The following SPTBN5 variants were observed in gnomAD, a reference collection of about 807,000 sequenced individuals.
SPTBN5 encodes spectrin beta, non-erythrocytic 5.
SPTBN5 carries 513 observed loss-of-function variants against 477.6 expected under a neutral mutation model. The ratio of observed to expected loss-of-function variants is 1.07; its 90% CI spans 1.00 to 1.16. The LOEUF (loss-of-function observed/expected upper bound fraction) is 1.16, where lower values mean the gene tolerates loss of function less well. SPTBN5 is among the 50% of genes most tolerant of loss of function. The pLI is 0.00. For missense variants in SPTBN5, 5,062 were observed against 4,731.8 expected (o/e 1.07, Z -2.05); for synonymous variants, 2,169 against 2,011.7 (o/e 1.08, Z -2.09).
rs1347339368 is a variant in SPTBN5 at position 41,854,863 on chromosome 15, G to C, written c.9537C>G (p.Arg3179=). 6.2e-7 allele frequency: 1 copy of C among 1,609,432 alleles called. No homozygotes were observed. Reference sequence around the variant, plus strand: ...TCCTCTGGGCTTGGATGTGGGGATAGCGCCTGGGTGCACCCCGCTCCAGGG... The same window carrying C: ...TCCTCTGGGCTTGGATGTGGGGATACCGCCTGGGTGCACCCCGCTCCAGGG... ...AGTLERGAPR[R]YPHIQAQRSR... is the part of the protein sequence containing the mutation. The change falls in exon 56 of 68, where the codon CGC becomes CGG. Residue 3179 remains arginine, a synonymous_variant. Transcript: ENST00000320955.
chr15:41,867,464 G>T (rs1340021838), intron 35 of SPTBN5, 74 bp downstream of exon 35: 4 of 1,391,758 alleles, frequency 2.9e-6, no homozygotes, highest in South Asian at 2.3e-5. Context: ...CACACCAAGC[G>T]CCCCGTGACC....
intron 51 of SPTBN5, 42 bp downstream of exon 51, chr15:41,857,196 A>G (rs1410963680): frequency 6.4e-7 from 1 of 1,557,042 alleles, no homozygotes; most frequent in Non-Finnish European, 8.7e-7. Context: ...GGGTCCCTCC[A>G]GGAAGGCAGG....
chr15:41,893,560 AG>A lies in SPTBN5; in HGVS notation c.-49-15del. 2 of 1,526,828 alleles carry A rather than the reference AG, an allele frequency of 1.3e-6. No homozygotes were observed. The highest frequency in any genetic ancestry group is 1.2e-5 in the South Asian group (1 of 83,724). The allele number at this position is 1,526,828 out of a possible 1,614,324, so 94.6% of individuals were successfully genotyped here. A position where few individuals can be genotyped will look rare whatever the true frequency, so the allele number is the denominator to read the frequency against. The stretch of plus-strand genomic sequence containing the variant: ...GGCTCCCTAAACCTGGAGGGCATGC[AG>A]ATTAGGGGATGATGTGAATGGAGAT... On this transcript the variant is annotated splice_polypyrimidine_tract_variant and intron_variant, in intron 1 of 67. Transcript: ENST00000320955.
intron 16 of SPTBN5, 45 bp from the exon 17 acceptor site, chr15:41,878,674 C>G (rs930264015): frequency 4.5e-6 from 7 of 1,566,820 alleles, no homozygotes; most frequent in African/African-American, 4.1e-5. Flanking sequence ...TGTCCTGGGC[C>G]TGGTGCCCCA....
chr15:41,861,282 G>A (rs1307709431), intron 46 of SPTBN5, 137 bp downstream of exon 46: 17 of 734,916 alleles, frequency 2.3e-5, no homozygotes, highest in Non-Finnish European at 3.6e-5. Flanking sequence ...GCCCAGTGAC[G>A]GATGTGGCCC....
rs1246107829 is a variant in SPTBN5 at position 41,892,968 on chromosome 15, G to C, written c.310C>G (p.Pro104Ala). The C allele has an allele frequency of 1.2e-6, 2 of 1,609,492 alleles. No individual in the cohort carries two copies. Among genetic ancestry groups the C allele is most frequent in the South Asian group, 1.1e-5 (1 of 91,078 alleles). Residue 104 changes from proline (P) to alanine (A), a missense_variant, in exon 3 of 68, where the codon CCC (proline) becomes GCC (alanine). Pro to Ala is a conservative substitution (Grantham distance 27). Coordinates refer to ENST00000320955, the MANE Select transcript of SPTBN5 (RefSeq NM_016642.4). ...ACACGCAGGCGGCCCCGGCTCGGGG[G>C]TGGCAGGGCCTCCCCTGAGATGAGC... is the stretch of plus-strand genomic sequence containing the variant. ...LELISGEALP[P>A]PSRGRLRVHF...
Position 41,862,638 on chromosome 15 carries a change from C to T in SPTBN5, c.7286G>A (p.Arg2429His), listed in dbSNP as rs772783563. Residue 2429 changes from arginine (R) to histidine (H), a missense_variant, in exon 43 of 68, where the codon CGC becomes CAC. Arg to His is a conservative substitution (Grantham distance 29). Transcript: ENST00000320955. ...TGCCTCGGGGCTTCTTTGGCAGAGGCGGCCCACTTCACGCTCTAGGGACTG... is the reference window on the plus strand; with the variant it reads ...TGCCTCGGGGCTTCTTTGGCAGAGGTGGCCCACTTCACGCTCTAGGGACTG... ...QVESLEREVG[R>H]LCQRSPEAAH... The T allele has an allele frequency of 2.9e-5, 45 of 1,554,606 alleles. No individual in the cohort carries two copies. Among genetic ancestry groups the T allele is most frequent in the South Asian group, 2.5e-4 (21 of 84,792 alleles).
Position 41,882,089 on chromosome 15 carries a change from C to T in SPTBN5, c.2304G>A (p.Leu768=). Residue 768 remains leucine, a synonymous_variant, in exon 12 of 68, where the codon CTG becomes CTA. Transcript: ENST00000320955. ...ASWLRERRSS[L]ERASCGQDQA... is the part of the protein sequence containing the mutation. ...GGTCCTGACCGCAGGACGCTCTCTC[C>T]AGCGAGGATCGCCGCTCGCGCAGCC... 6.4e-7 allele frequency: 1 copy of T among 1,573,686 alleles called. No individual in the cohort carries two copies. Among genetic ancestry groups the T allele is most frequent in the Non-Finnish European group, 8.5e-7 (1 of 1,171,028 alleles).
At position 41,882,088 on chromosome 15, in the gene SPTBN5, C is replaced by A. The variant is rs1199233660; in HGVS notation, c.2305G>T (p.Glu769Ter). 1.3e-6 allele frequency: 2 copies of A among 1,573,788 alleles called. No homozygotes were observed. The highest frequency in any genetic ancestry group is 1.7e-6 in the Non-Finnish European group (2 of 1,171,114). Reference protein sequence around the residue: ...SWLRERRSSLERASCGQDQAA... With the variant: ...SWLRERRSSL ...TGGTCCTGACCGCAGGACGCTCTCT[C>A]CAGCGAGGATCGCCGCTCGCGCAGC... Residue 769 changes from glutamate (E) to a stop codon, truncating the protein, a stop_gained, in exon 12 of 68, where the codon GAG (glutamate) becomes TAG (stop). Transcript: ENST00000320955. LOFTEE classifies it high-confidence loss of function.
rs149082276 is a variant in SPTBN5 at position 41,853,704 on chromosome 15, C to T, written c.9858G>A (p.Pro3286=). 6.2e-4 allele frequency: 993 copies of T among 1,596,814 alleles called. 11 individuals are homozygous for T. In the East Asian group the frequency reaches 0.014, roughly 22 times the overall value. The stretch of plus-strand genomic sequence containing the variant: ...CCTCCTGCACCTTGGCCAGGCCCCC[C>T]GGAGCTGCAGGATGTAGCTGGCCCA... ...CRLGQLHPAA[P]GGLAKVQEAW... The change falls in exon 58 of 68, where the codon CCG becomes CCA. Residue 3286 remains proline (P), a synonymous_variant. Transcript: ENST00000320955.
Position 41,893,394 on chromosome 15 carries a change from G to C in SPTBN5, c.104C>G (p.Thr35Ser). Reference protein sequence around the residue: ...ELRVPPSPSLTMDSQYETGHI... With the variant: ...ELRVPPSPSLSMDSQYETGHI... ...GCCCGTCTCGTACTGAGAGTCCATG[G>C]TGAGACTTGGACTGGGCGGGACCCG... is the stretch of plus-strand genomic sequence containing the variant. The change falls in exon 2 of 68, where the codon ACC becomes AGC. Residue 35 changes from threonine to serine, a missense_variant. Coordinates refer to ENST00000320955, the MANE Select transcript of SPTBN5 (RefSeq NM_016642.4). 6.2e-7 allele frequency: 1 copy of C among 1,613,802 alleles called. No homozygotes were observed. Among genetic ancestry groups the C allele is most frequent in the East Asian group, 2.2e-5 (1 of 44,880 alleles).
chr15:41,883,034 G>A lies in SPTBN5; in HGVS notation c.1854C>T (p.Ala618=), dbSNP rs1381825637. ...EVLQAKARTL[A]QLQQSLVALV... ...GAGCCACCAGGCTCTGTTGGAGCTG[G>A]GCCAGTGTCCTGGCCTTGGCCTGCA... Residue 618 remains alanine, a synonymous_variant, in exon 9 of 68, where the codon GCC becomes GCT. Coordinates refer to ENST00000320955, the MANE Select transcript of SPTBN5 (RefSeq NM_016642.4). The A allele has an allele frequency of 6.4e-7, 1 of 1,558,862 alleles. No homozygotes were observed. The highest frequency in any genetic ancestry group is 2.4e-5 in the East Asian group (1 of 41,840).
At chr15:41,852,013 G>C in intron 62 of SPTBN5, 163 bp from the exon 63 acceptor site, 1 of 938,830 alleles carries the variant, frequency 1.1e-6, no homozygotes, top group Non-Finnish European at 1.6e-6. Context: ...CATGTTCAGG[G>C]TGGTATGGCT....
rs1385801506 is a variant in SPTBN5 at position 41,857,325 on chromosome 15, G to A, written c.8534C>T (p.Ala2845Val). Reference sequence around the variant, plus strand: ...AAAGGCCTGGGCCTGGCCCAGCAGTGCCTCAGCCTGCCTGGCCTTCTTGTC... The same window carrying A: ...AAAGGCCTGGGCCTGGCCCAGCAGTACCTCAGCCTGCCTGGCCTTCTTGTC... Reference protein sequence around the residue: ...AVDKKARQAEALLGQAQAFVR... With the variant: ...AVDKKARQAEVLLGQAQAFVR... Residue 2845 changes from alanine to valine, a missense_variant, in exon 51 of 68, where the codon GCA (alanine) becomes GTA (valine). Coordinates refer to ENST00000320955, the MANE Select transcript of SPTBN5 (RefSeq NM_016642.4). 1 of 1,567,210 alleles carries A rather than the reference G, an allele frequency of 6.4e-7. No homozygotes were observed. Among genetic ancestry groups the A allele is most frequent in the Non-Finnish European group, 8.6e-7 (1 of 1,156,510 alleles).
At chr15:41,850,996 C>T in intron 65 of SPTBN5, 57 bp from the exon 66 acceptor site, 1 of 1,589,774 alleles carries the variant, frequency 6.3e-7, no homozygotes, top group Non-Finnish European at 8.6e-7. Context: ...CCCCACGCCT[C>T]CAGCCCCCGC....
At chr15:41,856,714 C>T in intron 52 of SPTBN5, 116 bp from the exon 53 acceptor site, 2 of 1,344,060 alleles carry the variant, frequency 1.5e-6, no homozygotes, top group Non-Finnish European at 2.0e-6. Context: ...TCCCTGTCCC[C>T]ATGACTCCCA....
intron 36 of SPTBN5, 152 bp from the exon 37 acceptor site, chr15:41,866,645 G>A: frequency 4.1e-6 from 4 of 981,292 alleles, no homozygotes; most frequent in Non-Finnish European, 2.8e-6. Context: ...AGCTCCGGAA[G>A]GTTGCTGCAG....
intron 21 of SPTBN5, 146 bp downstream of exon 21, chr15:41,875,968 C>G: frequency 9.9e-7 from 1 of 1,005,974 alleles, no homozygotes; most frequent in Non-Finnish European, 1.4e-6. Context: ...ATGCCAGCAG[C>G]ATCAAGGAGG....
chr15:41,883,100 T>C lies in SPTBN5; in HGVS notation c.1788A>G (p.Thr596=), dbSNP rs2067030068. Reference sequence around the variant, plus strand: ...TGCCCAGGGAGGAGTCCAGCTCTGCTGTCTGCTGAGCAAGATGGCTCACAT... The same window carrying C: ...TGCCCAGGGAGGAGTCCAGCTCTGCCGTCTGCTGAGCAAGATGGCTCACAT... ...GAHVSHLAQQ[T]AELDSSLGTS... The change falls in exon 9 of 68, where the codon ACA becomes ACG. Residue 596 remains threonine (T), a synonymous_variant. Coordinates refer to ENST00000320955, the MANE Select transcript of SPTBN5 (RefSeq NM_016642.4). 32 of 1,609,196 alleles carry C rather than the reference T, an allele frequency of 2.0e-5. No homozygotes were observed. Among genetic ancestry groups the C allele is most frequent in the Middle Eastern group, 1.7e-4 (1 of 6,022 alleles).
Sources: allele counts gnomAD v4.1 joint callset, GRCh38; gene constraint gnomAD v4.1.1; transcripts MANE v1.5; gene names NCBI Gene and HGNC (gene_info 2026-07-23, HGNC 2026-07-21).